DACH1: variants seen among roughly 807,000 people sequenced by gnomAD.
The protein encoded by DACH1 is dachshund homolog 1.
DACH1 carries 12 observed loss-of-function variants against 54.2 expected under a neutral mutation model. The ratio of observed to expected loss-of-function variants is 0.22; its 90% CI spans 0.14 to 0.36. The LOEUF is 0.36. Ranked by LOEUF, DACH1 falls within the 10% of genes least tolerant of loss-of-function variation. The pLI is 1.00. For synonymous variants in DACH1, 386 were observed against 366.2 expected (o/e 1.05, Z -0.62); for missense variants, 805 against 929.8 (o/e 0.87, Z 1.75).
intron 3 of DACH1, among the ~76,000 whole-genome samples, chr13:71,606,989 G>A (rs1874927145): frequency 6.6e-6 from 1 of 151,906 alleles, no homozygotes; most frequent in African/African-American, 2.4e-5. Flanking sequence ...GCAAAATTTT[G>A]TTCCAACAAC....
chr13:71,797,589 G>A (rs9599885), intron 1 of DACH1, among the ~76,000 whole-genome samples: 31,958 of 152,036 alleles, frequency 0.21, 4,445 homozygotes, highest in Non-Finnish European at 0.3. Context: ...CCTATGGGGA[G>A]ACACCATTTG....
chr13:71,694,270 G>T (rs1189744138), intron 1 of DACH1, among the ~76,000 whole-genome samples: 1 of 152,066 alleles, frequency 6.6e-6, no homozygotes, highest in East Asian at 1.9e-4. Flanking sequence ...GAGCTGTCAA[G>T]AAACGTAATC....
intron 1 of DACH1, among the ~76,000 whole-genome samples, chr13:71,827,141 T>A (rs1231862151): frequency 3.3e-5 from 5 of 152,080 alleles, no homozygotes; most frequent in African/African-American, 1.2e-4. Flanking sequence ...AAGCTGGACT[T>A]TGCTGCCTTA....
intron 2 of DACH1, among the ~76,000 whole-genome samples, chr13:71,644,322 A>T (rs908820316): frequency 3.3e-5 from 5 of 152,188 alleles, no homozygotes; most frequent in African/African-American, 1.2e-4. Context: ...TTCTTAGCTA[A>T]TATTCTCAAC....
At chr13:71,755,223 T>A (rs769325141) in intron 1 of DACH1, among the ~76,000 whole-genome samples, 13 of 152,112 alleles carry the variant, frequency 8.5e-5, no homozygotes, top group African/African-American at 2.9e-4. Context: ...AAAATCTGTT[T>A]ATGAGAATTT....
intron 1 of DACH1, among the ~76,000 whole-genome samples, chr13:71,729,328 A>G (rs914051323): frequency 5.9e-5 from 9 of 152,178 alleles, no homozygotes; most frequent in Admixed American, 5.2e-4. Context: ...GTCCACACAT[A>G]TGAGAGAACA....
intron 1 of DACH1, among the ~76,000 whole-genome samples, chr13:71,829,088 A>T (rs921173324): frequency 6.6e-6 from 1 of 151,960 alleles, no homozygotes; most frequent in African/African-American, 2.4e-5. Flanking sequence ...AAAAACTTAA[A>T]TATTTTAGTT....
At chr13:71,607,388 A>G (rs1382894561) in intron 3 of DACH1, among the ~76,000 whole-genome samples, 1 of 152,042 alleles carries the variant, frequency 6.6e-6, no homozygotes, top group African/African-American at 2.4e-5. Context: ...TAGATTGTAC[A>G]GGTACTAAGC....
At chr13:71,564,327 G>A (rs1259078141) in intron 4 of DACH1, among the ~76,000 whole-genome samples, 1 of 151,934 alleles carries the variant, frequency 6.6e-6, no homozygotes, top group African/African-American at 2.4e-5. Flanking sequence ...CAGAGAGAAC[G>A]AATATTTAAT....
At chr13:71,558,772 C>T (rs1009399588) in intron 5 of DACH1, among the ~76,000 whole-genome samples, 6 of 151,902 alleles carry the variant, frequency 3.9e-5, no homozygotes, top group African/African-American at 1.4e-4. Context: ...CAATAATTGA[C>T]TATCTTTTAT....
chr13:71,675,268 C>T (rs1880490374), intron 2 of DACH1: 1 of 1,591,270 alleles, frequency 6.3e-7, no homozygotes, highest in Non-Finnish European at 8.6e-7. Flanking sequence ...ACTTCCCTTC[C>T]AGAGTCTGGT....
In DACH1 at chr13:71,682,219, C is replaced by T. The variant is rs1040681217; in HGVS notation, c.849-309G>A. Among the ~76,000 whole-genome samples the T allele has an allele frequency of 2.4e-4, 36 of 152,264 alleles. 1 individual carries two copies. Among genetic ancestry groups the T allele is most frequent in the Admixed American group, 2.2e-3 (33 of 15,298 alleles). The stretch of plus-strand genomic sequence containing the variant: ...CTAAAGTTCTGCATGCAGCCTTCAG[C>T]ACGAAAATTATGCACTAACTTGTAA... On this transcript the variant is annotated intron_variant, in intron 1 of 10. Coordinates refer to ENST00000613252, the MANE Select transcript of DACH1 (RefSeq NM_080759.6).
At chr13:71,555,468 C>T (rs1295031934) in intron 6 of DACH1, among the ~76,000 whole-genome samples, 1 of 151,772 alleles carries the variant, frequency 6.6e-6, no homozygotes, top group African/African-American at 2.4e-5. Context: ...CTCAGCCTCC[C>T]GAGTAGTTGG....
intron 6 of DACH1, among the ~76,000 whole-genome samples, chr13:71,503,601 T>C (rs1302179747): frequency 6.6e-6 from 1 of 152,220 alleles, no homozygotes; most frequent in Non-Finnish European, 1.5e-5. Context: ...AAACTACATT[T>C]GTGGCTGCCC....
At chr13:71,683,856 A>G (rs1881028963) in intron 1 of DACH1, among the ~76,000 whole-genome samples, 1 of 152,052 alleles carries the variant, frequency 6.6e-6, no homozygotes, top group Non-Finnish European at 1.5e-5. Flanking sequence ...TTCTCCTGGG[A>G]TTCAGACAGA....
chr13:71,560,008 T>C, intron 4 of DACH1, 53 bp from the exon 5 acceptor site: 2 of 1,428,682 alleles, frequency 1.4e-6, no homozygotes, highest in Non-Finnish European at 1.8e-6. Context: ...ATACAACGGA[T>C]CTTTACTTAA....
chr13:71,772,747 T>C (rs1885911408), intron 1 of DACH1, among the ~76,000 whole-genome samples: 1 of 151,732 alleles, frequency 6.6e-6, no homozygotes, highest in Non-Finnish European at 1.5e-5. Context: ...AGTATTTCCA[T>C]GAAAATTATC....
intron 10 of DACH1, among the ~76,000 whole-genome samples, chr13:71,445,705 C>G (rs1874389435): frequency 6.6e-6 from 1 of 152,140 alleles, no homozygotes; most frequent in African/African-American, 2.4e-5. Flanking sequence ...TTTATTAAAA[C>G]ATACTTGCAG....
intron 1 of DACH1, among the ~76,000 whole-genome samples, chr13:71,797,321 G>A (rs1887097852): frequency 6.6e-6 from 1 of 152,010 alleles, no homozygotes; most frequent in South Asian, 2.1e-4. Flanking sequence ...TACATTCCAT[G>A]TGATGTGATC....
Sources: allele counts gnomAD v4.1 joint callset (sites outside exome capture counted in the v4.1 genomes callset), GRCh38; gene constraint gnomAD v4.1.1; transcripts MANE v1.5; gene names NCBI Gene and HGNC (gene_info 2026-07-23, HGNC 2026-07-21).